Variants in PRKCQ observed in about 807,000 individuals in gnomAD.
PRKCQ encodes protein kinase C theta, also known as protein kinase C theta type.
Under a neutral mutation model 91.2 loss-of-function variants are expected in PRKCQ, and 41 were observed. The ratio of observed to expected loss-of-function variants is 0.45; its 90% CI spans 0.35 to 0.58. PRKCQ has a LOEUF of 0.58. Ranked by LOEUF, PRKCQ falls within the 20% of genes least tolerant of loss-of-function variation. The pLI is 0.00. For synonymous variants in PRKCQ, 307 were observed against 316.9 expected (o/e 0.97, Z 0.33); for missense variants, 673 against 896.5 (o/e 0.75, Z 3.18).
intron 12 of PRKCQ, among the ~76,000 whole-genome samples, chr10:6,477,846 C>T (rs935859564): frequency 2.6e-5 from 4 of 152,118 alleles, no homozygotes; most frequent in African/African-American, 7.2e-5. Flanking sequence ...CCAGCCTGGG[C>T]GACAGAGTGA....
intron 1 of PRKCQ, among the ~76,000 whole-genome samples, chr10:6,552,160 A>AT (rs372001132): frequency 6.0e-5 from 9 of 151,120 alleles, no homozygotes; most frequent in Non-Finnish European, 1.0e-4. Flanking sequence ...TCATTTTCTA[A>AT]TTTTTTTTGT....
chr10:6,416,555 A>G, the PRKCQ span, among the ~76,000 whole-genome samples: 3 of 152,044 alleles, frequency 2.0e-5, no homozygotes, highest in East Asian at 3.8e-4. Context: ...ATTCCTTTTT[A>G]TGGCTGAGTA....
At chr10:6,575,238 G>C (rs930542515) in intron 1 of PRKCQ, among the ~76,000 whole-genome samples, 8 of 152,162 alleles carry the variant, frequency 5.3e-5, no homozygotes, top group African/African-American at 1.9e-4. Flanking sequence ...TTGCAGCACG[G>C]TGTGTGATCT....
chr10:6,439,045 G>A lies in PRKCQ; in HGVS notation c.1836+2848C>T, dbSNP rs553501808. ...TTCATTTCATTCTACAACTTGCTAC[G>A]CCCATACACTGTGGAGAATATTTCG... On this transcript the variant is annotated intron_variant, in intron 16 of 17. Coordinates refer to ENST00000263125, the MANE Select transcript of PRKCQ (RefSeq NM_006257.5). Among the ~76,000 whole-genome samples the A allele has an allele frequency of 4.1e-4, 62 of 152,258 alleles. 1 individual carries two copies. In the South Asian group the frequency reaches 9.5e-3, roughly 23 times the overall value.
chr10:6,419,018 T>C, the PRKCQ span, among the ~76,000 whole-genome samples: 1 of 145,558 alleles, frequency 6.9e-6, no homozygotes, highest in Non-Finnish European at 1.5e-5. Context: ...TATCTATGTA[T>C]CTATCATCTA....
intron 11 of PRKCQ, among the ~76,000 whole-genome samples, chr10:6,480,666 T>G (rs1467962961): frequency 1.3e-5 from 2 of 152,254 alleles, no homozygotes; most frequent in South Asian, 4.1e-4. Flanking sequence ...AGATGAGACC[T>G]GGGAAAGTAG....
chr10:6,557,460 C>T (rs956170859), intron 1 of PRKCQ, among the ~76,000 whole-genome samples: 2 of 152,202 alleles, frequency 1.3e-5, no homozygotes, highest in African/African-American at 4.8e-5. Flanking sequence ...CGACTCCCTT[C>T]TTCTCTCCTG....
At chr10:6,412,613 A>AACAAAGATAGAATTTTAAGT in the PRKCQ span, among the ~76,000 whole-genome samples, 6 of 152,270 alleles carry the variant, frequency 3.9e-5, no homozygotes, top group Admixed American at 3.9e-4. Flanking sequence ...AATAATTCAC[A>AACAAAGATAGAATTTTAAGT]ACAAAGATAG....
chr10:6,553,512 A>ATAAAAT lies in PRKCQ; in HGVS notation c.-10+26698_-10+26699insATTTTA, dbSNP rs375879407. Among the ~76,000 whole-genome samples the ATAAAAT allele has an allele frequency of 8.6e-4, 121 of 140,850 alleles. 2 individuals carry two copies. Among genetic ancestry groups the ATAAAAT allele is most frequent in the Middle Eastern group, 3.6e-3 (1 of 274 alleles). 92.4% of individuals were successfully genotyped at this position (140,850 alleles called of 152,430 possible). A position where few individuals can be genotyped will look rare whatever the true frequency, so the allele number is the denominator to read the frequency against. ...CTCAAAAAAAAAAAAAAAAAAAAAAAAAAAACAAACAAACAAAAGAAGAAG... is the reference window on the plus strand; with the variant it reads ...CTCAAAAAAAAAAAAAAAAAAAAAAATAAAATAAAAACAAACAAACAAAAGAAGAAG... On this transcript the variant is annotated intron_variant, in intron 1 of 17. Coordinates refer to ENST00000263125, the MANE Select transcript of PRKCQ (RefSeq NM_006257.5).
chr10:6,580,284 G>GCTGGC (rs1564405584), upstream of PRKCQ: 139 of 47,746 alleles, frequency 2.9e-3, no homozygotes, highest in African/African-American at 6.4e-3. Flanking sequence ...ACTGCGCGGG[G>GCTGGC]ACTGGCGGGG....
chr10:6,515,161 G>C lies in PRKCQ; in HGVS notation c.-9-17C>G, dbSNP rs373580198. On this transcript the variant is annotated splice_polypyrimidine_tract_variant and intron_variant, in intron 1 of 17. Coordinates refer to ENST00000263125, the MANE Select transcript of PRKCQ (RefSeq NM_006257.5). ...GGTTGCGCCCTGGAAAAAGACAAAA[G>C]ACAAACGCTGTTTGGGGGCTATAAA... 8.1e-6 allele frequency: 13 copies of C among 1,611,620 alleles called. No homozygotes were observed. The East Asian group carries it at 2.0e-4, about 25-fold the overall frequency.
At chr10:6,472,605 TTC>T (rs1204368396) in intron 12 of PRKCQ, among the ~76,000 whole-genome samples, 1 of 152,250 alleles carries the variant, frequency 6.6e-6, no homozygotes, top group African/African-American at 2.4e-5. Flanking sequence ...TGGTTACAAC[TTC>T]TGTTTCTCAG....
intron 17 of PRKCQ, among the ~76,000 whole-genome samples, chr10:6,429,414 C>T (rs1478895145): frequency 6.6e-6 from 1 of 152,122 alleles, no homozygotes; most frequent in Non-Finnish European, 1.5e-5. Context: ...CCTGTTGGGT[C>T]CTTGGAACAT....
chr10:6,466,334 G>A lies in PRKCQ; in HGVS notation c.1354-1930C>T, dbSNP rs115308816. Among the ~76,000 whole-genome samples, 842 of 152,288 alleles carry A rather than the reference G, an allele frequency of 5.5e-3. 5 individuals are homozygous for A. Among genetic ancestry groups the A allele is most frequent in the African/African-American group, 0.019 (787 of 41,554 alleles). On this transcript the variant is annotated intron_variant, in intron 12 of 17. Coordinates refer to ENST00000263125, the MANE Select transcript of PRKCQ (RefSeq NM_006257.5). ...ACCTATTCTCAGGTCTGAATCAGAC[G>A]CCACACTAGTGGTGAGCATTGGGGG...
At chr10:6,412,577 A>G in the PRKCQ span, among the ~76,000 whole-genome samples, 2 of 152,256 alleles carry the variant, frequency 1.3e-5, no homozygotes, top group African/African-American at 4.8e-5. Context: ...GTGATATTCA[A>G]AGATACGCAA....
At chr10:6,423,577 T>C (rs1348164057), downstream of PRKCQ, among the ~76,000 whole-genome samples, 1 of 152,136 alleles carries the variant, frequency 6.6e-6, no homozygotes, top group African/African-American at 2.4e-5. Context: ...TCCCAGCACC[T>C]TGGGGACCCC....
At chr10:6,493,661 AG>A (rs1336412176) in intron 7 of PRKCQ, among the ~76,000 whole-genome samples, 2 of 152,206 alleles carry the variant, frequency 1.3e-5, no homozygotes, top group African/African-American at 4.8e-5. Flanking sequence ...GTTTTTTTCT[AG>A]AAAAGCTGAA....
At chr10:6,525,806 T>C (rs1293603037) in intron 1 of PRKCQ, among the ~76,000 whole-genome samples, 1 of 152,180 alleles carries the variant, frequency 6.6e-6, no homozygotes, top group Non-Finnish European at 1.5e-5. Context: ...AGTATCATTT[T>C]GGAGAAACTC....
chr10:6,423,966 G>C (rs190586359), downstream of PRKCQ, among the ~76,000 whole-genome samples: 1 of 152,076 alleles, frequency 6.6e-6, no homozygotes, highest in Non-Finnish European at 1.5e-5. Context: ...ACAAATGCAC[G>C]TGATGGAGGA....
Sources: allele counts gnomAD v4.1 joint callset (sites outside exome capture counted in the v4.1 genomes callset), GRCh38; gene constraint gnomAD v4.1.1; transcripts MANE v1.5; gene names NCBI Gene and HGNC (gene_info 2026-07-23, HGNC 2026-07-21).